The following RBFOX1 variants were observed in gnomAD, a reference collection of about 807,000 sequenced individuals.
RBFOX1 encodes RNA binding fox-1 homolog 1.
RBFOX1 carries 8 observed loss-of-function variants against 57.7 expected under a neutral mutation model. That is an observed-to-expected ratio of 0.14 (90% CI 0.08 to 0.25). RBFOX1 has a LOEUF of 0.25. Among genes scored for constraint, RBFOX1 ranks in the 10% least tolerant of loss-of-function variants. The pLI is 1.00. For missense variants in RBFOX1, 611 were observed against 548.5 expected (o/e 1.11, Z -1.14); for synonymous variants, 326 against 222.4 (o/e 1.47, Z -4.15).
intron 2 of RBFOX1, among the ~76,000 whole-genome samples, chr16:6,591,272 A>C (rs57171816): frequency 0.062 from 9,413 of 152,060 alleles, 938 homozygotes; most frequent in African/African-American, 0.21. Context: ...ATGATGAAAC[A>C]CCACCTCTAC....
chr16:7,463,968 C>A (rs2060031496), intron 4 of RBFOX1, among the ~76,000 whole-genome samples: 1 of 152,134 alleles, frequency 6.6e-6, no homozygotes, highest in Non-Finnish European at 1.5e-5. Flanking sequence ...TGGTGTCTTG[C>A]CCTGGGTGAC....
chr16:5,406,060 T>C (rs930801255), intron 1 of RBFOX1, among the ~76,000 whole-genome samples: 2 of 152,224 alleles, frequency 1.3e-5, no homozygotes, highest in Non-Finnish European at 2.9e-5. Flanking sequence ...TTCTCTTACT[T>C]GCAACCAAAG....
chr16:7,225,612 T>G (rs765049861), intron 4 of RBFOX1, among the ~76,000 whole-genome samples: 5 of 151,882 alleles, frequency 3.3e-5, no homozygotes, highest in East Asian at 3.9e-4. Context: ...GACCTTACAT[T>G]CAAAGATAAC....
At chr16:5,990,025 C>G (rs2152318368) in intron 4 of RBFOX1, among the ~76,000 whole-genome samples, 1 of 152,262 alleles carries the variant, frequency 6.6e-6, no homozygotes, top group Non-Finnish European at 1.5e-5. Context: ...GGGTCTCCCT[C>G]TGTTGCCCAG....
intron 2 of RBFOX1, among the ~76,000 whole-genome samples, chr16:6,648,767 C>T (rs1182745933): frequency 6.6e-6 from 1 of 152,144 alleles, no homozygotes. Flanking sequence ...TTTCTCACCT[C>T]ATTTCTCAAT....
chr16:6,619,181 C>T (rs186971266), intron 2 of RBFOX1, among the ~76,000 whole-genome samples: 2 of 150,958 alleles, frequency 1.3e-5, no homozygotes, highest in African/African-American at 4.9e-5. Flanking sequence ...AAAAAAAAAA[C>T]AACTTCTGAT....
chr16:6,071,326 C>G (rs1037038211), intron 1 of RBFOX1, among the ~76,000 whole-genome samples: 9 of 151,962 alleles, frequency 5.9e-5, no homozygotes, highest in African/African-American at 1.9e-4. Flanking sequence ...GTCTCCAAAA[C>G]CAACAGGAAA....
At chr16:7,138,347 C>T (rs1567412377) in intron 4 of RBFOX1, among the ~76,000 whole-genome samples, 1 of 152,170 alleles carries the variant, frequency 6.6e-6, no homozygotes, top group Non-Finnish European at 1.5e-5. Context: ...CAGTGTTAAA[C>T]GGACTTCTGT....
chr16:6,403,095 A>G (rs1175521841), intron 2 of RBFOX1, among the ~76,000 whole-genome samples: 3 of 152,184 alleles, frequency 2.0e-5, no homozygotes, highest in Admixed American at 6.5e-5. Flanking sequence ...TGTGGAGGTC[A>G]TGAAGAGGAC....
chr16:6,106,946 C>T lies in RBFOX1; in HGVS notation c.-127+86954C>T, dbSNP rs190312261. Among the ~76,000 whole-genome samples the T allele has an allele frequency of 7.0e-4, 107 of 152,262 alleles. 2 individuals are homozygous for T. The East Asian group carries it at 0.014, about 20-fold the overall frequency. On this transcript the variant is annotated intron_variant, in intron 1 of 15. Coordinates refer to ENST00000550418, the MANE Select transcript of RBFOX1 (RefSeq NM_018723.4). ...TTGGCCTCCCAAAGGGCTGGGATTA[C>T]AGGCGTGAGCCACCATGCCTGGCCA...
chr16:6,636,126 G>C (rs770599535), intron 2 of RBFOX1, among the ~76,000 whole-genome samples: 1 of 152,088 alleles, frequency 6.6e-6, no homozygotes, highest in Non-Finnish European at 1.5e-5. Context: ...GCATCACCTC[G>C]CATCTCAGCA....
intron 3 of RBFOX1, among the ~76,000 whole-genome samples, chr16:6,984,015 A>G (rs1023232593): frequency 1.5e-4 from 23 of 152,186 alleles, no homozygotes; most frequent in African/African-American, 5.3e-4. Flanking sequence ...TGGGAGGCCA[A>G]GGTGGGCAGA....
chr16:5,692,165 CTGTGTGTGTG>C (rs199585814), intron 3 of RBFOX1, among the ~76,000 whole-genome samples: 126 of 22,934 alleles, frequency 5.5e-3, no homozygotes, highest in Middle Eastern at 0.059. Flanking sequence ...TAGGGACTGA[CTGTGTGTGTG>C]TGTGTGTGTG....
intron 3 of RBFOX1, among the ~76,000 whole-genome samples, chr16:6,663,683 C>T (rs538038764): frequency 3.2e-4 from 49 of 152,320 alleles, no homozygotes; most frequent in Non-Finnish European, 5.4e-4. Flanking sequence ...TTTCCAATGT[C>T]CTTTGTTTAA....
intron 4 of RBFOX1, among the ~76,000 whole-genome samples, chr16:7,062,975 C>G (rs1419581047): frequency 8.2e-6 from 1 of 122,274 alleles, no homozygotes. Flanking sequence ...TCGAAGAATC[C>G]CTACTGATAC....
At position 7,711,740 on chromosome 16, in the gene RBFOX1, T is replaced by C. The variant is rs1050987732; in HGVS notation, c.*995T>C. 2.0e-4 allele frequency: 30 copies of C among 152,650 alleles called. No individual in the cohort carries two copies. The highest frequency in any genetic ancestry group is 7.2e-4 in the Admixed American group (11 of 15,292). The allele number at this position is 152,650 out of a possible 1,614,324, so 9.5% of individuals were successfully genotyped here. ...CTATGAAGCTTTAGTTTTAGCCTAG[T>C]AGAACAACTGTTAGAGACAGACGTA... On this transcript the variant is annotated 3_prime_UTR_variant, in exon 16 of 16. Coordinates refer to ENST00000550418, the MANE Select transcript of RBFOX1 (RefSeq NM_018723.4).
intron 4 of RBFOX1, among the ~76,000 whole-genome samples, chr16:7,448,243 G>A (rs1598649947): frequency 6.6e-6 from 1 of 152,290 alleles, no homozygotes. Context: ...CGTAAATCAA[G>A]GTGTAGGCAA....
intron 3 of RBFOX1, among the ~76,000 whole-genome samples, chr16:5,735,635 G>A (rs74869698): frequency 0.013 from 1,923 of 152,262 alleles, 18 homozygotes; most frequent in Non-Finnish European, 0.02. Flanking sequence ...AGTGGTTCAC[G>A]CCTATAATCT....
At chr16:6,062,389 C>G (rs2095699087) in intron 1 of RBFOX1, among the ~76,000 whole-genome samples, 1 of 152,026 alleles carries the variant, frequency 6.6e-6, no homozygotes, top group Non-Finnish European at 1.5e-5. Context: ...CATCCTGAGG[C>G]TATCCAAGGG....
Sources: allele counts gnomAD v4.1 joint callset (sites outside exome capture counted in the v4.1 genomes callset), GRCh38; gene constraint gnomAD v4.1.1; transcripts MANE v1.5; gene names NCBI Gene and HGNC (gene_info 2026-07-23, HGNC 2026-07-21).